The following CDC23 variants were observed in gnomAD, a reference collection of about 807,000 sequenced individuals.
CDC23 encodes the protein cell division cycle 23.
Under a neutral mutation model 81.7 loss-of-function variants are expected in CDC23, and 26 were observed. The observed-to-expected ratio is 0.32, with a 90% CI of 0.23 to 0.44. The LOEUF is 0.44. Ranked by LOEUF, CDC23 falls within the 20% of genes least tolerant of loss-of-function variation. The pLI is 1.00. For missense variants in CDC23, 519 were observed against 728.0 expected, an observed-to-expected ratio of 0.71 and a Z score of 3.30; for synonymous variants, 267 against 270.8, an observed-to-expected ratio of 0.99 and a Z score of 0.14.
chr5:138,189,282 A>T lies in CDC23; in HGVS notation c.1624-134T>A, dbSNP rs1213122141. The T allele has an allele frequency of 9.1e-6, 7 of 767,536 alleles. No homozygotes were observed. The African/African-American group carries it at 1.2e-4, about 14-fold the overall frequency. 47.5% of individuals were successfully genotyped at this position (767,536 alleles called of 1,614,324 possible). A position where few individuals can be genotyped will look rare whatever the true frequency, so the allele number is the denominator to read the frequency against. ...TGCTTGTTTTTTTTTTTTGAGATGG[A>T]GTCTCACTGTGTCACCCAGGCTACA... On this transcript the variant is annotated intron_variant, in intron 15 of 15. Transcript: ENST00000394886.
intron 2 of CDC23, among the ~76,000 whole-genome samples, chr5:138,209,230 C>G (rs1287623030): frequency 6.6e-6 from 1 of 151,336 alleles, no homozygotes; most frequent in Non-Finnish European, 1.5e-5. Flanking sequence ...AGTTCAAGAC[C>G]AGCCTAGCCA....
chr5:138,206,914 C>G (rs1247893769), intron 2 of CDC23, among the ~76,000 whole-genome samples: 1 of 140,856 alleles, frequency 7.1e-6, no homozygotes, highest in African/African-American at 2.7e-5. Flanking sequence ...GAGCCTCACT[C>G]TGTCACCCAG....
chr5:138,195,733 CATATAATATATATGTATATATAT>C (rs1754891048), intron 9 of CDC23, among the ~76,000 whole-genome samples: 31 of 106,912 alleles, frequency 2.9e-4, no homozygotes, highest in South Asian at 2.5e-3. Flanking sequence ...TATATATATA[CATATAATATATATGTATATATAT>C]ACATATATTA....
chr5:138,201,529 T>A, intron 4 of CDC23, 81 bp from the exon 5 acceptor site: 1 of 1,013,690 alleles, frequency 9.9e-7, no homozygotes. Context: ...TTTATTTTTC[T>A]AGAGACAGGG....
intron 3 of CDC23, among the ~76,000 whole-genome samples, chr5:138,204,178 T>C (rs1343480417): frequency 6.6e-6 from 1 of 151,846 alleles, no homozygotes; most frequent in Admixed American, 6.6e-5. Flanking sequence ...ATAAAGCAAA[T>C]AGGATTAATG....
chr5:138,189,323 CA>C (rs1754797747), intron 15 of CDC23, among the ~76,000 whole-genome samples, 175 bp from the exon 16 acceptor site: 1 of 151,286 alleles, frequency 6.6e-6, no homozygotes, highest in Non-Finnish European at 1.5e-5. Flanking sequence ...GTGGTGTGAT[CA>C]AGGCTCACTG....
intron 3 of CDC23, among the ~76,000 whole-genome samples, chr5:138,205,263 C>A (rs1157582475): frequency 6.6e-6 from 1 of 152,142 alleles, no homozygotes; most frequent in East Asian, 1.9e-4. Flanking sequence ...GAAAGATTAA[C>A]TTTTTAAATC....
chr5:138,189,248 C>T lies in CDC23; in HGVS notation c.1624-100G>A, dbSNP rs553880798. 1.9e-4 allele frequency: 216 copies of T among 1,114,892 alleles called. 1 individual carries two copies. Among genetic ancestry groups the T allele is most frequent in the South Asian group, 7.3e-4 (48 of 65,330 alleles). 69.1% of individuals were successfully genotyped at this position (1,114,892 alleles called of 1,614,324 possible). ...AAACAAGTTCCACAGATCAAGGAGGCGGGAGGCTTGCTTGTTTTTTTTTTT... is the reference window on the plus strand; with the variant it reads ...AAACAAGTTCCACAGATCAAGGAGGTGGGAGGCTTGCTTGTTTTTTTTTTT... On this transcript the variant is annotated intron_variant, in intron 15 of 15. Transcript: ENST00000394886.
intron 2 of CDC23, among the ~76,000 whole-genome samples, chr5:138,212,413 G>A (rs567048714): frequency 6.6e-6 from 1 of 152,288 alleles, no homozygotes; most frequent in African/African-American, 2.4e-5. Flanking sequence ...TCGCCTCCCG[G>A]GTTTAAGCGA....
chr5:138,213,067 G>T lies in CDC23; in HGVS notation c.162-4C>A. On this transcript the variant is annotated splice_region_variant and splice_polypyrimidine_tract_variant and intron_variant, in intron 1 of 15. Coordinates refer to ENST00000394886, the MANE Select transcript of CDC23 (RefSeq NM_004661.4). ...AGAGAAAGCCAACTCCGCCGACCTG[G>T]AACACCCACACAAACTAGATCAGCT... 6.2e-7 allele frequency: 1 copy of T among 1,613,990 alleles called. No individual in the cohort carries two copies. Among genetic ancestry groups the T allele is most frequent in the Non-Finnish European group, 8.5e-7 (1 of 1,179,984 alleles).
chr5:138,197,503 T>A (rs57869497), intron 9 of CDC23, among the ~76,000 whole-genome samples: 22,596 of 149,296 alleles, frequency 0.15, 2,134 homozygotes, highest in South Asian at 0.22. Context: ...TTATTTTTTT[T>A]TTTTTTTTTT....
intron 9 of CDC23, among the ~76,000 whole-genome samples, chr5:138,196,769 ATGGGGTT>A (rs1754913178): frequency 6.8e-6 from 1 of 147,062 alleles, no homozygotes; most frequent in Non-Finnish European, 1.5e-5. Context: ...TTTTGTAGAG[ATGGGGTT>A]TCACCATGTT....
rs1259871946 is a variant in CDC23, at chr5:138,201,347, A to G, written c.517T>C (p.Tyr173His). 6.2e-7 allele frequency: 1 copy of G among 1,613,878 alleles called. No individual in the cohort carries two copies. The highest frequency in any genetic ancestry group is 1.7e-5 in the Admixed American group (1 of 60,002). Residue 173 changes from tyrosine (Y) to histidine (H), a missense_variant, in exon 5 of 16, where the codon TAT becomes CAT. This residue lies in a region of CDC23 where 180 missense variants were observed against 239.3 expected (regional missense o/e 0.75). Coordinates refer to ENST00000394886, the MANE Select transcript of CDC23 (RefSeq NM_004661.4). Reference protein sequence around the residue: ...QARELDGFGLYLYGVVLRKLD... With the variant: ...QARELDGFGLHLYGVVLRKLD... ...CCAAATTACTGTAACACTTACAGATAAAGTCCAAATCCATCAAGTTCTCGA... is the reference window on the plus strand; with the variant it reads ...CCAAATTACTGTAACACTTACAGATGAAGTCCAAATCCATCAAGTTCTCGA...
chr5:138,189,155 C>T lies in CDC23; in HGVS notation c.1624-7G>A. On this transcript the variant is annotated splice_polypyrimidine_tract_variant and splice_region_variant and intron_variant, in intron 15 of 15. Transcript: ENST00000394886. ...CCTTACCTTCTTCCCGGGTCTGCAA[C>T]AAAGTCAGGGAAATGTTTCAAAACA... 1 of 1,611,014 alleles carries T rather than the reference C, an allele frequency of 6.2e-7. No individual in the cohort carries two copies. The highest frequency in any genetic ancestry group is 8.5e-7 in the Non-Finnish European group (1 of 1,178,628).
Position 138,206,703 on chromosome 5 carries a change from T to C in CDC23, c.235-19A>G, listed in dbSNP as rs201274256. The C allele has an allele frequency of 1.2e-5, 19 of 1,603,854 alleles. No individual in the cohort carries two copies. In the Admixed American group the frequency reaches 2.1e-4, roughly 17 times the overall value. On this transcript the variant is annotated intron_variant, in intron 2 of 15. Transcript: ENST00000394886. ...CATCTTCCTAAAAAAGAAACAAGCT[T>C]ATGTAAGTGGTTGGGAATAGGACAA...
At chr5:138,207,071 G>A (rs1755058390) in intron 2 of CDC23, among the ~76,000 whole-genome samples, 1 of 151,786 alleles carries the variant, frequency 6.6e-6, no homozygotes, top group Admixed American at 6.6e-5. Context: ...GTAGTGATGG[G>A]GTTTCGCCAT....
intron 9 of CDC23, among the ~76,000 whole-genome samples, chr5:138,196,398 C>A (rs1007087640): frequency 1.3e-5 from 2 of 151,010 alleles, no homozygotes; most frequent in African/African-American, 4.9e-5. Flanking sequence ...TCAAGCAATT[C>A]TCCTGCCTCA....
Position 138,202,141 on chromosome 5 carries a change from CTTT to C in CDC23, c.384_386del (p.Lys130del). ...AGCTATCAACTGTTTCATCGTCCTT[CTTT>C]TTTTCTCCAGACTGTAAGAGAAAAT... On this transcript the variant is annotated inframe_deletion, in exon 4 of 16. Coordinates refer to ENST00000394886, the MANE Select transcript of CDC23 (RefSeq NM_004661.4). 2 of 1,611,182 alleles carry C rather than the reference CTTT, an allele frequency of 1.2e-6. No individual in the cohort carries two copies. Among genetic ancestry groups the C allele is most frequent in the Non-Finnish European group, 1.7e-6 (2 of 1,178,468 alleles).
chr5:138,191,432 A>C, intron 13 of CDC23, 42 bp downstream of exon 13: 1 of 1,571,986 alleles, frequency 6.4e-7, no homozygotes, highest in Non-Finnish European at 8.8e-7. Flanking sequence ...ATCCCAGAGA[A>C]GCCAACAGAA....
Sources: gnomAD v4.1 joint callset for allele counts (sites outside exome capture counted in the v4.1 genomes callset) on GRCh38, gnomAD v4.1.1 for gene constraint, gnomAD v4.1.1 regional missense constraint, MANE v1.5 for transcripts, NCBI Gene and HGNC (gene_info 2026-07-23, HGNC 2026-07-21) for gene names.